Variants in CLASP2 observed in about 807,000 individuals in gnomAD.
The protein encoded by CLASP2 is cytoplasmic linker associated protein 2.
CLASP2 carries 47 observed loss-of-function variants against 194.4 expected under a neutral mutation model. That is an observed-to-expected ratio of 0.24 (90% CI 0.19 to 0.31). The LOEUF is 0.31. Ranked by LOEUF, CLASP2 falls within the 10% of genes least tolerant of loss-of-function variation. The pLI is 1.00. For missense variants in CLASP2, 1,445 were observed against 1,823.6 expected (o/e 0.79, Z 3.78); for synonymous variants, 619 against 633.5 (o/e 0.98, Z 0.34).
intron 6 of CLASP2, among the ~76,000 whole-genome samples, chr3:33,667,406 C>CAAAAAAAGAAAA (rs2086380315): frequency 2.3e-5 from 1 of 44,148 alleles, no homozygotes; most frequent in Non-Finnish European, 4.0e-5. Context: ...GAGACTATCT[C>CAAAAAAAGAAAA]AAAAAAAAAA....
chr3:33,516,848 G>A, intron 35 of CLASP2, 133 bp downstream of exon 35: 4 of 781,138 alleles, frequency 5.1e-6, no homozygotes, highest in Non-Finnish European at 8.2e-6. Flanking sequence ...ACTTCACAGT[G>A]AAAAGTTCAT....
chr3:33,708,050 G>A (rs2092776076), intron 1 of CLASP2, among the ~76,000 whole-genome samples: 1 of 152,126 alleles, frequency 6.6e-6, no homozygotes, highest in African/African-American at 2.4e-5. Flanking sequence ...ATCACTAGGG[G>A]CTCCTCCTTC....
chr3:33,623,205 A>C (rs1402141185), intron 10 of CLASP2, among the ~76,000 whole-genome samples: 1 of 152,206 alleles, frequency 6.6e-6, no homozygotes, highest in Non-Finnish European at 1.5e-5. Flanking sequence ...AATGTGTAAC[A>C]ATCAAATCAG....
chr3:33,532,100 G>GCCAAAACTTGGAAGCAACACAAGTGT (rs2056451936), intron 34 of CLASP2, among the ~76,000 whole-genome samples: 2 of 152,172 alleles, frequency 1.3e-5, no homozygotes, highest in African/African-American at 4.8e-5. Context: ...ATTCATAACA[G>GCCAAAACTTGGAAGCAACACAAGTGT]CCAAAACTTG....
chr3:33,525,415 C>T (rs1397811648), intron 34 of CLASP2, among the ~76,000 whole-genome samples: 1 of 152,038 alleles, frequency 6.6e-6, no homozygotes, highest in Non-Finnish European at 1.5e-5. Context: ...CTCAAACATC[C>T]AGGTGCTCAC....
intron 37 of CLASP2, among the ~76,000 whole-genome samples, chr3:33,508,382 G>T (rs2048871929): frequency 6.6e-6 from 1 of 152,086 alleles, no homozygotes; most frequent in African/African-American, 2.4e-5. Flanking sequence ...CCAGGCTGGA[G>T]TGCAGTGCTG....
intron 29 of CLASP2, among the ~76,000 whole-genome samples, chr3:33,554,033 C>G (rs150866200): frequency 2.0e-5 from 3 of 151,956 alleles, no homozygotes; most frequent in Non-Finnish European, 4.4e-5. Flanking sequence ...TCAAGGCCAG[C>G]CGGGGCCAAC....
chr3:33,592,741 A>G (rs1235257885), intron 20 of CLASP2: 1 of 516,470 alleles, frequency 1.9e-6, no homozygotes, highest in Admixed American at 3.0e-5. Flanking sequence ...CTTAGTTTAT[A>G]TATTAGTCCA....
intron 34 of CLASP2, among the ~76,000 whole-genome samples, chr3:33,517,503 T>C (rs1351019240): frequency 2.0e-5 from 3 of 152,228 alleles, no homozygotes; most frequent in African/African-American, 4.8e-5. Flanking sequence ...GAAGTATTTC[T>C]AGCAAATCCC....
intron 30 of CLASP2, among the ~76,000 whole-genome samples, chr3:33,547,144 A>C (rs9819067): frequency 0.34 from 51,975 of 152,058 alleles, 9,076 homozygotes; most frequent in Admixed American, 0.43. Context: ...GTGTCCCCAC[A>C]CAAATCTCAT....
At chr3:33,665,269 G>A (rs2085991586) in intron 6 of CLASP2, among the ~76,000 whole-genome samples, 1 of 152,126 alleles carries the variant, frequency 6.6e-6, no homozygotes, top group African/African-American at 2.4e-5. Context: ...AAGGAATTAA[G>A]GTAAGGCAGA....
chr3:33,556,652 G>T (rs1254766973), intron 29 of CLASP2, among the ~76,000 whole-genome samples: 1 of 152,024 alleles, frequency 6.6e-6, no homozygotes, highest in Non-Finnish European at 1.5e-5. Context: ...GGCCAGCCTG[G>T]TCACAAACTA....
chr3:33,514,288 A>AT (rs199853085), intron 36 of CLASP2, among the ~76,000 whole-genome samples: 16,077 of 149,514 alleles, frequency 0.11, 878 homozygotes, highest in Non-Finnish European at 0.12. Context: ...TGCCCAGCCA[A>AT]TTTTTTTTTT....
intron 34 of CLASP2, 143 bp from the exon 35 acceptor site, chr3:33,517,317 CTT>C: frequency 1.6e-6 from 1 of 612,392 alleles, no homozygotes; most frequent in South Asian, 3.1e-5. Context: ...ATTAAGTAAT[CTT>C]CTTTTCAATT....
chr3:33,576,884 C>T (rs2065007191), intron 23 of CLASP2, among the ~76,000 whole-genome samples: 1 of 151,504 alleles, frequency 6.6e-6, no homozygotes, highest in South Asian at 2.1e-4. Context: ...ACAATTAAAA[C>T]ACTTCATCCA....
At chr3:33,598,176 A>G (rs1275228564) in intron 18 of CLASP2, among the ~76,000 whole-genome samples, 1 of 141,626 alleles carries the variant, frequency 7.1e-6, no homozygotes, top group Non-Finnish European at 1.5e-5. Flanking sequence ...TTTTTTTTTC[A>G]CTCTAATAAA....
At chr3:33,546,118 T>C (rs1376567998) in intron 30 of CLASP2, among the ~76,000 whole-genome samples, 1 of 152,208 alleles carries the variant, frequency 6.6e-6, no homozygotes, top group Admixed American at 6.5e-5. Context: ...GCAAATGAAC[T>C]AGTAATTGTT....
At chr3:33,513,334 T>C (rs1222416007) in intron 36 of CLASP2, among the ~76,000 whole-genome samples, 1 of 151,666 alleles carries the variant, frequency 6.6e-6, no homozygotes, top group African/African-American at 2.4e-5. Context: ...AGGCCAGGAG[T>C]TCGAGACCAG....
chr3:33,581,963 G>C (rs57110098), intron 22 of CLASP2, 35 bp from the exon 23 acceptor site: 2 of 1,433,344 alleles, frequency 1.4e-6, no homozygotes, highest in Non-Finnish European at 2.0e-6. Context: ...CACAGTAAGG[G>C]AGAAAACAGA....
Sources: gnomAD v4.1 joint callset for allele counts (sites outside exome capture counted in the v4.1 genomes callset) on GRCh38, gnomAD v4.1.1 for gene constraint, MANE v1.5 for transcripts, NCBI Gene and HGNC (gene_info 2026-07-23, HGNC 2026-07-21) for gene names.